FAM222A: variants seen among roughly 807,000 people sequenced by gnomAD.
The protein encoded by FAM222A is family with sequence similarity 222 member A.
A neutral mutation model predicts 25.8 loss-of-function variants in FAM222A; 7 were observed. The observed-to-expected ratio is 0.27, with a 90% CI of 0.15 to 0.51. The LOEUF is 0.51. Ranked by LOEUF, FAM222A falls within the 20% of genes least tolerant of loss-of-function variation. The pLI is 0.97. For missense variants in FAM222A, 573 were observed against 640.5 expected (o/e 0.89, Z 1.14); for synonymous variants, 294 against 298.8 (o/e 0.98, Z 0.17).
At chr12:109,761,743 G>A (rs1888903899) in intron 2 of FAM222A, among the ~76,000 whole-genome samples, 1 of 152,128 alleles carries the variant, frequency 6.6e-6, no homozygotes, top group African/African-American at 2.4e-5. Flanking sequence ...TACTCTGCCT[G>A]GAGCTGGCAG....
At chr12:109,726,025 G>T (rs1403755909) in intron 1 of FAM222A, among the ~76,000 whole-genome samples, 1 of 151,832 alleles carries the variant, frequency 6.6e-6, no homozygotes, top group Admixed American at 6.6e-5. Flanking sequence ...GGGTCAGCCA[G>T]GGAGATGGGT....
chr12:109,768,067 G>C lies in FAM222A; in HGVS notation c.138G>C (p.Leu46=). 6.2e-7 allele frequency: 1 copy of C among 1,613,908 alleles called. No individual in the cohort carries two copies. The highest frequency in any genetic ancestry group is 8.5e-7 in the Non-Finnish European group (1 of 1,180,030). ...HSSRYPSPAE[L]DAYAEKVANS... ...CCCGCTACCCGAGCCCAGCAGAACT[G>C]GACGCCTATGCCGAGAAGGTGGCCA... Residue 46 remains leucine, a synonymous_variant, in exon 3 of 3, where the codon CTG becomes CTC. Transcript: ENST00000538780.
In FAM222A at chr12:109,769,089, C is replaced by T. The variant is rs371328595; in HGVS notation, c.1160C>T (p.Ala387Val). 13 of 1,606,244 alleles carry T rather than the reference C, an allele frequency of 8.1e-6. No individual in the cohort carries two copies. In the African/African-American group the frequency reaches 9.4e-5, roughly 12 times the overall value. ...ARELAGPPADALSGLPSKSVC... is the reference protein window; with the variant it reads ...ARELAGPPADVLSGLPSKSVC... Reference sequence around the variant, plus strand: ...GAGCTGGCTGGGCCCCCTGCAGATGCCCTCTCGGGCCTGCCCAGCAAGAGT... The same window carrying T: ...GAGCTGGCTGGGCCCCCTGCAGATGTCCTCTCGGGCCTGCCCAGCAAGAGT... Residue 387 changes from alanine to valine, a missense_variant, in exon 3 of 3, where the codon GCC (alanine) becomes GTC (valine). Ala to Val is a moderately conservative substitution (Grantham distance 64, BLOSUM62 0). This residue lies in a region of FAM222A where 412 missense variants were observed against 407.0 expected (regional missense o/e 1.01). Coordinates refer to ENST00000538780, the MANE Select transcript of FAM222A (RefSeq NM_032829.3).
rs991652141 is a variant in FAM222A, at chr12:109,770,099, G to C, written c.*811G>C. The C allele has an allele frequency of 6.6e-6, 1 of 152,256 alleles. No individual in the cohort carries two copies. The highest frequency in any genetic ancestry group is 1.5e-5 in the Non-Finnish European group (1 of 68,058). 9.4% of individuals were successfully genotyped at this position (152,256 alleles called of 1,614,324 possible). A position where few individuals can be genotyped will look rare whatever the true frequency, so the allele number is the denominator to read the frequency against. On this transcript the variant is annotated 3_prime_UTR_variant, in exon 3 of 3. Coordinates refer to ENST00000538780, the MANE Select transcript of FAM222A (RefSeq NM_032829.3). ...CTTGAGGAAGGGGCGTCATTTTCCT[G>C]TTCGCACAAAGGCACCACAGGGGCT...
chr12:109,764,596 A>G (rs962288266), intron 2 of FAM222A, among the ~76,000 whole-genome samples: 1 of 152,240 alleles, frequency 6.6e-6, no homozygotes, highest in African/African-American at 2.4e-5. Context: ...GCTTGGGAAG[A>G]GAGTTTAAGA....
intron 2 of FAM222A, among the ~76,000 whole-genome samples, chr12:109,767,062 C>CTTTTTTTTTTTTTT (rs757766627): frequency 1.1e-5 from 1 of 93,066 alleles, no homozygotes; most frequent in African/African-American, 4.3e-5. Context: ...TGCTTGGCTT[C>CTTTTTTTTTTTTTT]TTTTTTTTTT....
intron 1 of FAM222A, among the ~76,000 whole-genome samples, chr12:109,727,241 G>T (rs912804972): frequency 2.0e-5 from 3 of 152,172 alleles, no homozygotes; most frequent in African/African-American, 7.2e-5. Flanking sequence ...CCAGCAGAGT[G>T]GGGAGAGGGC....
intron 1 of FAM222A, among the ~76,000 whole-genome samples, chr12:109,742,781 A>G (rs1461161602): frequency 6.6e-6 from 1 of 152,104 alleles, no homozygotes; most frequent in Non-Finnish European, 1.5e-5. Context: ...GCCAGGACAG[A>G]CGGGAGGCTG....
intron 2 of FAM222A, among the ~76,000 whole-genome samples, chr12:109,748,961 C>G (rs570051225): frequency 6.6e-6 from 1 of 152,112 alleles, no homozygotes; most frequent in Non-Finnish European, 1.5e-5. Flanking sequence ...AGGAGAAATT[C>G]AGGCTACAAA....
chr12:109,735,362 C>G (rs1258553486), intron 1 of FAM222A, among the ~76,000 whole-genome samples: 1 of 152,240 alleles, frequency 6.6e-6, no homozygotes, highest in Non-Finnish European at 1.5e-5. Flanking sequence ...CAACGCCAAT[C>G]ATGTCTTTCT....
intron 2 of FAM222A, 75 bp downstream of exon 2, chr12:109,744,303 A>G: frequency 6.6e-7 from 1 of 1,526,056 alleles, no homozygotes; most frequent in South Asian, 1.2e-5. Context: ...CAGGATGTCC[A>G]CCTACCATGG....
At chr12:109,727,903 T>TCGTGG (rs1887872962) in intron 1 of FAM222A, among the ~76,000 whole-genome samples, 2 of 152,292 alleles carry the variant, frequency 1.3e-5, no homozygotes, top group Non-Finnish European at 2.9e-5. Context: ...TGTCCCTCAA[T>TCGTGG]CGTGGCGGGA....
intron 2 of FAM222A, among the ~76,000 whole-genome samples, chr12:109,755,090 T>C (rs1888681224): frequency 6.6e-6 from 1 of 152,162 alleles, no homozygotes; most frequent in Non-Finnish European, 1.5e-5. Flanking sequence ...CATTCTGGAG[T>C]TGTCTTCACT....
rs1188967182 is a variant in FAM222A at position 109,725,043 on chromosome 12, A to T, written c.-47+10146A>T. Among the ~76,000 whole-genome samples, 4 of 151,584 alleles carry T rather than the reference A, an allele frequency of 2.6e-5. No individual in the cohort carries two copies. In the East Asian group the frequency reaches 5.8e-4, roughly 22 times the overall value. ...AACTGAGGCTCAGAGAGATTGAGGG[A>T]CTCTCCCAAGGCCATATAGCTGAAA... is the stretch of plus-strand genomic sequence containing the variant. On this transcript the variant is annotated intron_variant, in intron 1 of 2. Coordinates refer to ENST00000538780, the MANE Select transcript of FAM222A (RefSeq NM_032829.3).
At chr12:109,752,558 GAGAA>G (rs1478391711) in intron 2 of FAM222A, among the ~76,000 whole-genome samples, 1 of 152,260 alleles carries the variant, frequency 6.6e-6, no homozygotes, top group Non-Finnish European at 1.5e-5. Flanking sequence ...TCAGCCAAGG[GAGAA>G]AGGTCTCGAC....
Position 109,714,196 on chromosome 12 carries a change from C to CCCGCTG in FAM222A, c.-743_-738dup, listed in dbSNP as rs1555287387. ...CGAGGCTGCATCCGAGCTTGCGTCG[C>CCCGCTG]CCGCTGCCGCCGCCGCCGCCGCTGC... On this transcript the variant is annotated 5_prime_UTR_variant, in exon 1 of 3. Coordinates refer to ENST00000538780, the MANE Select transcript of FAM222A (RefSeq NM_032829.3). This position sits in a 1 kb window ranked among gnomAD's most constrained non-coding sequence, Gnocchi z 4.2. 9.6e-6 allele frequency: 2 copies of CCCGCTG among 209,372 alleles called. No individual in the cohort carries two copies. The highest frequency in any genetic ancestry group is 2.4e-5 in the African/African-American group (1 of 41,806). The allele number at this position is 209,372 out of a possible 1,614,324, so 13.0% of individuals were successfully genotyped here.
chr12:109,748,303 T>C (rs2136353110), intron 2 of FAM222A, among the ~76,000 whole-genome samples: 1 of 151,256 alleles, frequency 6.6e-6, no homozygotes, highest in Admixed American at 6.6e-5. Context: ...TGCCTCAGTC[T>C]CGTCAAAGAG....
At chr12:109,767,542 A>G (rs1889091796) in intron 2 of FAM222A, among the ~76,000 whole-genome samples, 1 of 152,162 alleles carries the variant, frequency 6.6e-6, no homozygotes, top group Admixed American at 6.5e-5. Flanking sequence ...TCACACAACA[A>G]ATACCATACA....
At chr12:109,719,223 G>A (rs1887704909) in intron 1 of FAM222A, among the ~76,000 whole-genome samples, 1 of 152,212 alleles carries the variant, frequency 6.6e-6, no homozygotes, top group Non-Finnish European at 1.5e-5. Flanking sequence ...ATAACCCTAA[G>A]AAATGCACAT....
Sources: allele counts gnomAD v4.1 joint callset (sites outside exome capture counted in the v4.1 genomes callset), GRCh38; gene constraint gnomAD v4.1.1; regional missense constraint gnomAD v4.1.1; non-coding constraint Gnocchi (gnomAD v3.1); transcripts MANE v1.5; gene names NCBI Gene and HGNC (gene_info 2026-07-23, HGNC 2026-07-21).